CHD7: variants seen among roughly 807,000 people sequenced by gnomAD.
CHD7 encodes the protein chromodomain helicase DNA binding protein 7.
In CHD7, 24 loss-of-function variants were observed where a neutral mutation model predicts 307.3. The ratio of observed to expected loss-of-function variants is 0.08; its 90% CI spans 0.06 to 0.11. CHD7 has a LOEUF of 0.11. Ranked by LOEUF, CHD7 falls within the 10% of genes least tolerant of loss-of-function variation. CHD7 has a pLI of 1.00. For missense variants in CHD7, 3,106 were observed against 3,727.1 expected, an observed-to-expected ratio of 0.83 and a Z score of 4.34; for synonymous variants, 1,363 against 1,349.9, an observed-to-expected ratio of 1.01 and a Z score of -0.21.
At chr8:60,759,956 A>C (rs7843033) in intron 2 of CHD7, among the ~76,000 whole-genome samples, 117,219 of 151,994 alleles carry the variant, frequency 0.77, 45,491 homozygotes, top group East Asian at 0.94. Flanking sequence ...TAAATGCTAT[A>C]TTTTTCTTGC....
At chr8:60,804,803 G>A (rs1812467181) in intron 6 of CHD7, among the ~76,000 whole-genome samples, 2 of 152,204 alleles carry the variant, frequency 1.3e-5, no homozygotes, top group Admixed American at 6.5e-5. Flanking sequence ...GGTGGCTGGA[G>A]AACTCATTTA....
intron 1 of CHD7, among the ~76,000 whole-genome samples, chr8:60,712,988 T>TA (rs1363933439): frequency 3.5e-5 from 5 of 142,842 alleles, no homozygotes; most frequent in Admixed American, 7.2e-5. Flanking sequence ...GAGGGGGAGT[T>TA]ACGCTGAGCC....
chr8:60,852,441 G>A, intron 29 of CHD7, 57 bp from the exon 30 acceptor site: 2 of 1,492,690 alleles, frequency 1.3e-6, no homozygotes, highest in South Asian at 1.2e-5. Context: ...AAAAGAAACA[G>A]TAAATATTAA....
At chr8:60,710,568 C>T (rs974415943) in intron 1 of CHD7, among the ~76,000 whole-genome samples, 2 of 152,298 alleles carry the variant, frequency 1.3e-5, no homozygotes, top group Middle Eastern at 6.8e-3. Context: ...TATCTGCTTT[C>T]CACTGCCCCT....
At chr8:60,693,955 T>A (rs1806328936) in intron 1 of CHD7, among the ~76,000 whole-genome samples, 1 of 152,250 alleles carries the variant, frequency 6.6e-6, no homozygotes, top group Admixed American at 6.5e-5. Context: ...TCACCTGCCT[T>A]GCCAGTGGGC....
chr8:60,848,420 A>G, intron 23 of CHD7, 95 bp from the exon 24 acceptor site: 3 of 791,456 alleles, frequency 3.8e-6, no homozygotes, highest in Admixed American at 4.4e-5. Flanking sequence ...CAGCCTTGGC[A>G]GGATGATGGA....
At chr8:60,766,731 AG>A (rs1810485201) in intron 2 of CHD7, among the ~76,000 whole-genome samples, 1 of 152,248 alleles carries the variant, frequency 6.6e-6, no homozygotes, top group Non-Finnish European at 1.5e-5. Context: ...GTGCAGTAAC[AG>A]TTTGTGGAGA....
At chr8:60,679,187 G>C (rs1563507731) in intron 1 of CHD7, 105 bp downstream of exon 1, 1 of 152,114 alleles carries the variant, frequency 6.6e-6, no homozygotes, top group Non-Finnish European at 1.5e-5. Context: ...AGTTGGGAGC[G>C]AGGAGTTGGG....
chr8:60,801,975 G>GT (rs1378371485), intron 6 of CHD7, among the ~76,000 whole-genome samples: 1 of 152,134 alleles, frequency 6.6e-6, no homozygotes, highest in Non-Finnish European at 1.5e-5. Context: ...TGGAAATTCT[G>GT]TTTGTCATTT....
At chr8:60,734,014 A>G (rs1262675038) in intron 1 of CHD7, among the ~76,000 whole-genome samples, 4 of 152,234 alleles carry the variant, frequency 2.6e-5, no homozygotes, top group Non-Finnish European at 5.9e-5. Context: ...TACAGATTAA[A>G]TTTGTCACTA....
intron 13 of CHD7, chr8:60,825,092 C>T (rs572726929): frequency 6.6e-6 from 1 of 152,284 alleles, no homozygotes; most frequent in South Asian, 2.1e-4. Context: ...ATGCTAATTT[C>T]TGCAGGCTAA....
At chr8:60,836,602 C>A (rs574818387) in intron 16 of CHD7, among the ~76,000 whole-genome samples, 1 of 152,180 alleles carries the variant, frequency 6.6e-6, no homozygotes, top group African/African-American at 2.4e-5. Flanking sequence ...TTAACTATTT[C>A]CCTGGAGAGG....
In CHD7 at chr8:60,796,247, AATTTT is replaced by A. The variant is rs1812028637; in HGVS notation, c.2238+1128_2238+1132del. Among the ~76,000 whole-genome samples the A allele has an allele frequency of 2.6e-5, 4 of 152,276 alleles. No individual in the cohort carries two copies. In the South Asian group the frequency reaches 8.3e-4, roughly 32 times the overall value. On this transcript the variant is annotated intron_variant, in intron 4 of 37. Coordinates refer to ENST00000423902, the MANE Select transcript of CHD7 (RefSeq NM_017780.4). ...CCTTTGGCAGTGTGGGTTATTATGTAATTTTATTTTATACATCAATGGAAAGATAT... is the reference window on the plus strand; with the variant it reads ...CCTTTGGCAGTGTGGGTTATTATGTAATTTTATACATCAATGGAAAGATAT...
chr8:60,847,726 C>A (rs1805275983), intron 23 of CHD7, among the ~76,000 whole-genome samples: 1 of 152,148 alleles, frequency 6.6e-6, no homozygotes, highest in Non-Finnish European at 1.5e-5. Flanking sequence ...TGAGAAACTC[C>A]ATGCAGGACT....
intron 1 of CHD7, among the ~76,000 whole-genome samples, chr8:60,716,973 T>G (rs1290724449): frequency 6.6e-6 from 1 of 152,158 alleles, no homozygotes; most frequent in Admixed American, 6.5e-5. Flanking sequence ...TGTTTCTCTT[T>G]GAGACAGTCC....
intron 9 of CHD7, 75 bp from the exon 10 acceptor site, chr8:60,821,715 T>C: frequency 7.9e-7 from 1 of 1,263,866 alleles, no homozygotes; most frequent in Non-Finnish European, 1.1e-6. Flanking sequence ...TATAAACATA[T>C]ATATACACAT....
At chr8:60,837,107 G>GACCACCGAGA in intron 17 of CHD7, 95 bp downstream of exon 17, 1 of 954,968 alleles carries the variant, frequency 1.0e-6, no homozygotes, top group South Asian at 1.8e-5. Flanking sequence ...TTAATGTTGC[G>GACCACCGAGA]TCGTCACTCA....
intron 25 of CHD7, among the ~76,000 whole-genome samples, chr8:60,850,092 C>T (rs914702528): frequency 1.3e-5 from 2 of 152,170 alleles, no homozygotes; most frequent in Non-Finnish European, 2.9e-5. Flanking sequence ...TCCTGCAGGA[C>T]TGATGCTATT....
chr8:60,829,326 G>A (rs1216278069), intron 14 of CHD7, among the ~76,000 whole-genome samples: 2 of 152,236 alleles, frequency 1.3e-5, no homozygotes, highest in Non-Finnish European at 1.5e-5. Context: ...TGGGCCAGGC[G>A]CGGTGGCTTA....
Sources: gnomAD v4.1 joint callset for allele counts (sites outside exome capture counted in the v4.1 genomes callset) on GRCh38, gnomAD v4.1.1 for gene constraint, MANE v1.5 for transcripts, NCBI Gene and HGNC (gene_info 2026-07-23, HGNC 2026-07-21) for gene names.